The following CHML variants were observed in gnomAD, a reference collection of about 807,000 sequenced individuals.
CHML encodes CHM like Rab escort protein.
In CHML, 20 loss-of-function variants were observed where a neutral mutation model predicts 30.4. The ratio of observed to expected loss-of-function variants is 0.66; its 90% CI spans 0.46 to 0.95. The LOEUF (loss-of-function observed/expected upper bound fraction) is 0.95, where lower values mean the gene tolerates loss of function less well. Among genes scored for constraint, CHML ranks in the 40% least tolerant of loss-of-function variants. The pLI, the probability that CHML is intolerant of heterozygous loss-of-function variation, is 0.00. For missense variants in CHML, 795 were observed against 768.5 expected (o/e 1.03, Z -0.41); for synonymous variants, 281 against 275.0 (o/e 1.02, Z -0.22).
At chr1:241,639,701 T>A (rs1039737817) in intron 1 of CHML, among the ~76,000 whole-genome samples, 181 bp downstream of exon 1, 1 of 137,710 alleles carries the variant, frequency 7.3e-6, no homozygotes, top group Non-Finnish European at 1.6e-5. Context: ...GCACCCGCCA[T>A]GCGGCTGGGG....
chr1:241,638,188 A>G (rs928692494), intron 1 of CHML, among the ~76,000 whole-genome samples: 4 of 152,206 alleles, frequency 2.6e-5, no homozygotes, highest in Admixed American at 2.6e-4. Flanking sequence ...AATGCCCTGA[A>G]AAATAGGGCA....
rs1211297993 is a variant in CHML at position 241,635,006 on chromosome 1, C to T, written c.761G>A (p.Ser254Asn). Reference protein sequence around the residue: ...LIDLLIKSDVSRYVEFKNVTR... With the variant: ...LIDLLIKSDVNRYVEFKNVTR... ...GACATTTTTAAATTCTACATAACGA[C>T]TAACATCTGATTTGATTAAAAGATC... Residue 254 changes from serine (S) to asparagine (N), a missense_variant, in exon 2 of 2, where the codon AGT becomes AAT. Ser to Asn is a conservative substitution (Grantham distance 46). Coordinates refer to ENST00000366553, the MANE Select transcript of CHML (RefSeq NM_001381853.1). The T allele has an allele frequency of 6.2e-6, 10 of 1,613,408 alleles. No individual in the cohort carries two copies. Among genetic ancestry groups the T allele is most frequent in the Non-Finnish European group, 8.5e-6 (10 of 1,179,816 alleles).
Position 241,633,581 on chromosome 1 carries a change from C to A in CHML, c.*215G>T. On this transcript the variant is annotated 3_prime_UTR_variant, in exon 2 of 2. Transcript: ENST00000366553. ...GTTTTAAGATTCTGGGTCATATAGC[C>A]CATTCTAAACAAAATGTTCAATAAT... is the stretch of plus-strand genomic sequence containing the variant. 1.7e-6 allele frequency: 1 copy of A among 576,408 alleles called. No individual in the cohort carries two copies. The highest frequency in any genetic ancestry group is 3.0e-6 in the Non-Finnish European group (1 of 334,270). The allele number at this position is 576,408 out of a possible 1,614,324, so 35.7% of individuals were successfully genotyped here. A position where few individuals can be genotyped will look rare whatever the true frequency, so the allele number is the denominator to read the frequency against.
chr1:241,629,078 T>C lies in CHML; in HGVS notation c.*4718A>G, dbSNP rs1252666063. 1 of 152,634 alleles carries C rather than the reference T, an allele frequency of 6.6e-6. No individual in the cohort carries two copies. Among genetic ancestry groups the C allele is most frequent in the African/African-American group, 2.4e-5 (1 of 41,466 alleles). The allele number at this position is 152,634 out of a possible 1,614,324, so 9.5% of individuals were successfully genotyped here. A position where few individuals can be genotyped will look rare whatever the true frequency, so the allele number is the denominator to read the frequency against. On this transcript the variant is annotated 3_prime_UTR_variant, in exon 2 of 2. Coordinates refer to ENST00000366553, the MANE Select transcript of CHML (RefSeq NM_001381853.1). The stretch of plus-strand genomic sequence containing the variant: ...TACAATTTGACATATATCAATATTA[T>C]TGAATGGCTATATAACATTCTGTGA...
chr1:241,640,169 G>A lies in CHML; in HGVS notation c.-595C>T. 4 of 1,437,552 alleles carry A rather than the reference G, an allele frequency of 2.8e-6. No homozygotes were observed. Among genetic ancestry groups the A allele is most frequent in the Non-Finnish European group, 3.6e-6 (4 of 1,099,380 alleles). The allele number at this position is 1,437,552 out of a possible 1,614,324, so 89.0% of individuals were successfully genotyped here. A position where few individuals can be genotyped will look rare whatever the true frequency, so the allele number is the denominator to read the frequency against. ...GCTGAAGAGGGGCGCGGGGCTCAGT[G>A]TCCCCGCCGGCGCCGGCCCCTCAGC... On this transcript the variant is annotated 5_prime_UTR_variant, in exon 1 of 2. Transcript: ENST00000366553.
Position 241,639,939 on chromosome 1 carries a change from C to T in CHML, c.-365G>A, listed in dbSNP as rs750976831. The T allele has an allele frequency of 9.9e-6, 16 of 1,608,070 alleles. No individual in the cohort carries two copies. The African/African-American group carries it at 1.8e-4, about 18-fold the overall frequency. On this transcript the variant is annotated 5_prime_UTR_variant, in exon 1 of 2. Transcript: ENST00000366553. ...CAGCCCACGGTGTCCCACACCCAGC[C>T]GTTCCTCAGGCAGGACACGAAGGTA... is the stretch of plus-strand genomic sequence containing the variant.
At position 241,632,612 on chromosome 1, in the gene CHML, G is replaced by GT. The variant is rs781144873; in HGVS notation, c.*1183dup. ...GTTGGGTGGCTCTGGGAGAAAAAAAGTTTCTATACTCTGGATAACAGCTAA... is the reference window on the plus strand; with the variant it reads ...GTTGGGTGGCTCTGGGAGAAAAAAAGTTTTCTATACTCTGGATAACAGCTAA... On this transcript the variant is annotated 3_prime_UTR_variant, in exon 2 of 2. Coordinates refer to ENST00000366553, the MANE Select transcript of CHML (RefSeq NM_001381853.1). 1.6e-4 allele frequency: 25 copies of GT among 152,054 alleles called. No homozygotes were observed. The highest frequency in any genetic ancestry group is 3.5e-4 in the Non-Finnish European group (24 of 68,000). 9.4% of individuals were successfully genotyped at this position (152,054 alleles called of 1,614,324 possible). A position where few individuals can be genotyped will look rare whatever the true frequency, so the allele number is the denominator to read the frequency against.
Position 241,635,786 on chromosome 1 carries a change from T to C in CHML, c.-20A>G. 1.3e-6 allele frequency: 2 copies of C among 1,592,130 alleles called. No individual in the cohort carries two copies. Among genetic ancestry groups the C allele is most frequent in the South Asian group, 1.1e-5 (1 of 87,992 alleles). On this transcript the variant is annotated 5_prime_UTR_variant, in exon 2 of 2. Coordinates refer to ENST00000366553, the MANE Select transcript of CHML (RefSeq NM_001381853.1). ...CGCCATTTTAGGAAGTAACAGCGTC[T>C]GGTGACAACTGCTGATGAAAGAAAT...
Position 241,634,732 on chromosome 1 carries a change from C to T in CHML, c.1035G>A (p.Met345Ile). 6.2e-7 allele frequency: 1 copy of T among 1,613,926 alleles called. No homozygotes were observed. Among genetic ancestry groups the T allele is most frequent in the Non-Finnish European group, 8.5e-7 (1 of 1,179,880 alleles). Residue 345 changes from methionine (M) to isoleucine (I), a missense_variant, in exon 2 of 2, where the codon ATG (methionine) becomes ATA (isoleucine). Transcript: ENST00000366553. Reference protein sequence around the residue: ...LQHFVLHSIAMTSESSCTTID... With the variant: ...LQHFVLHSIAITSESSCTTID... ...TTGTAGTGCAAGATGATTCTGATGT[C>T]ATTGCAATTGAGTGCAGTACAAAAT...
chr1:241,633,997 G>C lies in CHML; in HGVS notation c.1770C>G (p.Val590=). 6.2e-7 allele frequency: 1 copy of C among 1,613,888 alleles called. No individual in the cohort carries two copies. The highest frequency in any genetic ancestry group is 8.5e-7 in the Non-Finnish European group (1 of 1,179,862). The change falls in exon 2 of 2, where the codon GTC becomes GTG. Residue 590 remains valine (V), a synonymous_variant. Transcript: ENST00000366553. The part of the protein sequence containing the change: ...PDCGLGNEHA[V]KQAETLFQEI... ...CCTGGAAAAGTGTTTCAGCTTGCTTGACAGCATGCTCATTTCCCAGGCCAC... is the reference window on the plus strand; with the variant it reads ...CCTGGAAAAGTGTTTCAGCTTGCTTCACAGCATGCTCATTTCCCAGGCCAC...
chr1:241,640,281 C>G lies in CHML; in HGVS notation c.-707G>C. 1 of 1,163,596 alleles carries G rather than the reference C, an allele frequency of 8.6e-7. No individual in the cohort carries two copies. Among genetic ancestry groups the G allele is most frequent in the Non-Finnish European group, 1.1e-6 (1 of 946,752 alleles). 72.1% of individuals were successfully genotyped at this position (1,163,596 alleles called of 1,614,324 possible). On this transcript the variant is annotated 5_prime_UTR_variant, in exon 1 of 2. Coordinates refer to ENST00000366553, the MANE Select transcript of CHML (RefSeq NM_001381853.1). ...GCCCGGCGCCGGCGCGCCTGGCGGGCGGAGGCGCTCAGCTTGCGGCGGGGC... is the reference window on the plus strand; with the variant it reads ...GCCCGGCGCCGGCGCGCCTGGCGGGGGGAGGCGCTCAGCTTGCGGCGGGGC...
In CHML at chr1:241,640,066, G is replaced by T. The variant is rs1411465605; in HGVS notation, c.-492C>A. On this transcript the variant is annotated 5_prime_UTR_variant, in exon 1 of 2. Coordinates refer to ENST00000366553, the MANE Select transcript of CHML (RefSeq NM_001381853.1). ...GCCGCTGGAACTTGTAGTAGAGGAC[G>T]AGCACCAGCAGGTTGTTGCCGACGC... 1.2e-6 allele frequency: 2 copies of T among 1,611,812 alleles called. No homozygotes were observed. The highest frequency in any genetic ancestry group is 3.3e-5 in the Admixed American group (2 of 59,778).
chr1:241,639,437 T>A (rs1188580612), intron 1 of CHML, among the ~76,000 whole-genome samples: 2 of 152,208 alleles, frequency 1.3e-5, no homozygotes, highest in African/African-American at 4.8e-5. Flanking sequence ...TACATGAATC[T>A]AATCTCATCA....
rs1311456381 is a variant in CHML, at chr1:241,640,032, G to C, written c.-458C>G. The C allele has an allele frequency of 6.2e-7, 1 of 1,613,426 alleles. No individual in the cohort carries two copies. The highest frequency in any genetic ancestry group is 8.5e-7 in the Non-Finnish European group (1 of 1,179,728). On this transcript the variant is annotated 5_prime_UTR_variant, in exon 1 of 2. Coordinates refer to ENST00000366553, the MANE Select transcript of CHML (RefSeq NM_001381853.1). ...ATGTTGACCAGGAGGAGGTGAGTGGGAGTGCGGAGCCGCTGGAACTTGTAG... is the reference window on the plus strand; with the variant it reads ...ATGTTGACCAGGAGGAGGTGAGTGGCAGTGCGGAGCCGCTGGAACTTGTAG...
rs1664622205 is a variant in CHML at position 241,631,220 on chromosome 1, T to G, written c.*2576A>C. The G allele has an allele frequency of 6.6e-6, 1 of 152,096 alleles. No homozygotes were observed. Among genetic ancestry groups the G allele is most frequent in the South Asian group, 2.1e-4 (1 of 4,836 alleles). 9.4% of individuals were successfully genotyped at this position (152,096 alleles called of 1,614,324 possible). On this transcript the variant is annotated 3_prime_UTR_variant, in exon 2 of 2. Transcript: ENST00000366553. ...TATTTTGTATTAAGAAATATATTCA[T>G]TTTCTTCATTTCTAAATCAACCTTT...
At chr1:241,639,795 G>A in intron 1 of CHML, 87 bp downstream of exon 1, 1 of 1,280,444 alleles carries the variant, frequency 7.8e-7, no homozygotes, top group Non-Finnish European at 1.0e-6. Context: ...GTGCGGGGCG[G>A]GCTGGGGGGC....
chr1:241,635,251 T>C lies in CHML; in HGVS notation c.516A>G (p.Val172=), dbSNP rs746143117. 2.5e-6 allele frequency: 4 copies of C among 1,613,812 alleles called. No homozygotes were observed. The East Asian group carries it at 6.7e-5, about 27-fold the overall frequency. The change falls in exon 2 of 2, where the codon GTA becomes GTG. Residue 172 remains valine, a synonymous_variant. Coordinates refer to ENST00000366553, the MANE Select transcript of CHML (RefSeq NM_001381853.1). ...DTEISLEVTD[V]EESVEKEKYC... ...ACTTTTCCTTCTCCACTGATTCCTC[T>C]ACATCAGTTACTTCTAGTGAAATCT... is the stretch of plus-strand genomic sequence containing the variant.
Position 241,634,478 on chromosome 1 carries a change from T to C in CHML, c.1289A>G (p.Asn430Ser). 4 of 1,613,818 alleles carry C rather than the reference T, an allele frequency of 2.5e-6. No homozygotes were observed. Among genetic ancestry groups the C allele is most frequent in the Non-Finnish European group, 3.4e-6 (4 of 1,179,934 alleles). ...AIIDHFGQRINAKYFIVEDSY... is the reference protein window; with the variant it reads ...AIIDHFGQRISAKYFIVEDSY... Reference sequence around the variant, plus strand: ...GTCTTCCACAATAAAATATTTAGCATTTATTCTTTGACCAAAGTGATCTAT... The same window carrying C: ...GTCTTCCACAATAAAATATTTAGCACTTATTCTTTGACCAAAGTGATCTAT... The change falls in exon 2 of 2, where the codon AAT becomes AGT. Residue 430 changes from asparagine (N) to serine (S), a missense_variant. By Grantham distance (46) the Asn-to-Ser change is conservative. Coordinates refer to ENST00000366553, the MANE Select transcript of CHML (RefSeq NM_001381853.1).
Position 241,634,486 on chromosome 1 carries a change from T to C in CHML, c.1281A>G (p.Gln427=). 1 of 1,613,852 alleles carries C rather than the reference T, an allele frequency of 6.2e-7. No homozygotes were observed. Among genetic ancestry groups the C allele is most frequent in the Non-Finnish European group, 8.5e-7 (1 of 1,179,928 alleles). The change falls in exon 2 of 2, where the codon CAA becomes CAG. Residue 427 remains glutamine (Q), a synonymous_variant. Coordinates refer to ENST00000366553, the MANE Select transcript of CHML (RefSeq NM_001381853.1). ...CAATAAAATATTTAGCATTTATTCT[T>C]TGACCAAAGTGATCTATAATTGCTT... ...RCKAIIDHFG[Q]RINAKYFIVE... is the part of the protein sequence containing the mutation.
Sources: gnomAD v4.1 joint callset for allele counts (sites outside exome capture counted in the v4.1 genomes callset) on GRCh38, gnomAD v4.1.1 for gene constraint, MANE v1.5 for transcripts, NCBI Gene and HGNC (gene_info 2026-07-23, HGNC 2026-07-21) for gene names.